TTC29: variants seen among roughly 807,000 people sequenced by gnomAD.
TTC29 encodes the protein tetratricopeptide repeat protein 29.
A neutral mutation model predicts 58.1 loss-of-function variants in TTC29; 49 were observed. That is an observed-to-expected ratio of 0.84 (90% confidence interval 0.67 to 1.07). The LOEUF is 1.07. Ranked by LOEUF, TTC29 falls within the 50% of genes least tolerant of loss-of-function variation. TTC29 has a pLI of 0.00. For synonymous variants in TTC29, 209 were observed against 196.8 expected (o/e 1.06, Z -0.52); for missense variants, 582 against 555.6 (o/e 1.05, Z -0.48).
At chr4:146,779,008 A>C (rs1256804841) in intron 11 of TTC29, among the ~76,000 whole-genome samples, 35 of 150,150 alleles carry the variant, frequency 2.3e-4, no homozygotes, top group African/African-American at 8.0e-4. Context: ...AAAAAAGAAA[A>C]GAAAAGAAAA....
chr4:146,717,808 AT>A (rs1417562397), intron 11 of TTC29, among the ~76,000 whole-genome samples: 1 of 152,066 alleles, frequency 6.6e-6, no homozygotes, highest in Non-Finnish European at 1.5e-5. Flanking sequence ...TACTGACTAT[AT>A]TTACCATGAT....
intron 11 of TTC29, among the ~76,000 whole-genome samples, chr4:146,777,895 C>T (rs1236166408): frequency 6.6e-6 from 1 of 152,150 alleles, no homozygotes; most frequent in African/African-American, 2.4e-5. Flanking sequence ...AATGGATTTA[C>T]CATTGAACTG....
intron 4 of TTC29, among the ~76,000 whole-genome samples, chr4:146,932,523 A>G (rs2150320365): frequency 6.6e-6 from 1 of 152,322 alleles, no homozygotes; most frequent in East Asian, 1.9e-4. Flanking sequence ...ATTGTATCTT[A>G]AATAAATGGC....
intron 11 of TTC29, among the ~76,000 whole-genome samples, chr4:146,738,171 G>A (rs922968572): frequency 4.6e-5 from 7 of 152,280 alleles, no homozygotes; most frequent in African/African-American, 1.7e-4. Context: ...AGAATCTAAT[G>A]TTCCTTTTAA....
intron 8 of TTC29, among the ~76,000 whole-genome samples, chr4:146,861,138 G>C (rs1381608923): frequency 6.6e-6 from 1 of 152,062 alleles, no homozygotes; most frequent in Admixed American, 6.6e-5. Context: ...GATATATTTA[G>C]GGAGAAAGGA....
At chr4:146,837,017 T>C (rs1446527614) in intron 8 of TTC29, among the ~76,000 whole-genome samples, 3 of 152,022 alleles carry the variant, frequency 2.0e-5, no homozygotes, top group African/African-American at 7.2e-5. Flanking sequence ...GGAATAAAAA[T>C]TATTCTACCA....
At chr4:146,792,588 T>C (rs56939845) in intron 11 of TTC29, among the ~76,000 whole-genome samples, 8,917 of 152,244 alleles carry the variant, frequency 0.059, 909 homozygotes, top group African/African-American at 0.2. Context: ...GTTGTTTTTA[T>C]GCCTGCTAAT....
At chr4:146,870,279 C>T (rs1730845754) in intron 7 of TTC29, among the ~76,000 whole-genome samples, 1 of 151,864 alleles carries the variant, frequency 6.6e-6, no homozygotes, top group Admixed American at 6.6e-5. Flanking sequence ...AAGAAGAACA[C>T]AAGGTAAACC....
intron 10 of TTC29, 77 bp downstream of exon 10, chr4:146,820,048 A>C: frequency 6.4e-7 from 1 of 1,564,216 alleles, no homozygotes; most frequent in Non-Finnish European, 8.7e-7. Context: ...GGATGACATG[A>C]GAAGATACTT....
In TTC29 at chr4:146,728,854, T is replaced by TACGTATAA. The variant is rs1744092666; in HGVS notation, c.1331-21304_1331-21303insTTATACGT. Among the ~76,000 whole-genome samples the TACGTATAA allele has an allele frequency of 1.8e-4, 12 of 66,430 alleles. 2 individuals are homozygous for TACGTATAA. The South Asian group carries it at 0.011, about 59-fold the overall frequency. The allele number at this position is 66,430 out of a possible 152,430, so 43.6% of individuals were successfully genotyped here. A position where few individuals can be genotyped will look rare whatever the true frequency, so the allele number is the denominator to read the frequency against. Reference sequence around the variant, plus strand: ...ATATATACACATATATATGTATATATATACACATATATATGTGTGTGTATA... The same window carrying TACGTATAA: ...ATATATACACATATATATGTATATATACGTATAAATACACATATATATGTGTGTGTATA... On this transcript the variant is annotated intron_variant, in intron 11 of 12. Coordinates refer to ENST00000325106, the MANE Select transcript of TTC29 (RefSeq NM_031956.4).
chr4:146,857,848 T>C (rs1485558491), intron 8 of TTC29, among the ~76,000 whole-genome samples: 1 of 152,232 alleles, frequency 6.6e-6, no homozygotes, highest in Admixed American at 6.5e-5. Context: ...AGAGAAGTTA[T>C]TAACAAATTA....
intron 8 of TTC29, among the ~76,000 whole-genome samples, chr4:146,864,538 T>TA: frequency 6.6e-6 from 1 of 152,316 alleles, no homozygotes; most frequent in Non-Finnish European, 1.5e-5. Context: ...TACCACAAAC[T>TA]AAATGACTTA....
At chr4:146,907,993 G>T (rs1054190567) in intron 5 of TTC29, among the ~76,000 whole-genome samples, 1 of 151,656 alleles carries the variant, frequency 6.6e-6, no homozygotes, top group Non-Finnish European at 1.5e-5. Context: ...CATTTGTTTT[G>T]TTGTTCACAT....
intron 7 of TTC29, among the ~76,000 whole-genome samples, chr4:146,869,557 C>T (rs988151442): frequency 3.3e-5 from 5 of 152,136 alleles, no homozygotes; most frequent in East Asian, 1.9e-4. Context: ...AATAGAAGAA[C>T]GAGGCTATGA....
chr4:146,824,798 A>C (rs1345888085), intron 9 of TTC29, among the ~76,000 whole-genome samples: 1 of 152,176 alleles, frequency 6.6e-6, no homozygotes, highest in Non-Finnish European at 1.5e-5. Flanking sequence ...TGGTCTATTC[A>C]GGGATCCAAC....
At chr4:146,795,681 A>C (rs1485731977) in intron 11 of TTC29, among the ~76,000 whole-genome samples, 1 of 152,158 alleles carries the variant, frequency 6.6e-6, no homozygotes, top group African/African-American at 2.4e-5. Context: ...GAAGCCAACA[A>C]CACATGTGCC....
At chr4:146,765,298 G>A (rs1747222274) in intron 11 of TTC29, among the ~76,000 whole-genome samples, 1 of 152,076 alleles carries the variant, frequency 6.6e-6, no homozygotes. Flanking sequence ...AATTTTCATG[G>A]AAAGTAATTC....
At position 146,775,544 on chromosome 4, in the gene TTC29, C is replaced by CT. The variant is rs35456033; in HGVS notation, c.1330+27912dup. Among the ~76,000 whole-genome samples, 372 of 135,598 alleles carry CT rather than the reference C, an allele frequency of 2.7e-3. 1 individual carries two copies. The highest frequency in any genetic ancestry group is 7.6e-3 in the Middle Eastern group (2 of 264). 89.0% of individuals were successfully genotyped at this position (135,598 alleles called of 152,430 possible). On this transcript the variant is annotated intron_variant, in intron 11 of 12. Coordinates refer to ENST00000325106, the MANE Select transcript of TTC29 (RefSeq NM_031956.4). The stretch of plus-strand genomic sequence containing the variant: ...GATATGAAATTCTTGGTTGAAATTT[C>CT]TTTTTTTTTTTTTTTAAGAATGCTG...
intron 11 of TTC29, among the ~76,000 whole-genome samples, chr4:146,737,717 G>T (rs1232212345): frequency 1.3e-5 from 2 of 152,078 alleles, no homozygotes; most frequent in African/African-American, 2.4e-5. Flanking sequence ...GATATTGCAT[G>T]GGTTTGGATG....
Sources: allele counts gnomAD v4.1 joint callset (sites outside exome capture counted in the v4.1 genomes callset), GRCh38; gene constraint gnomAD v4.1.1; transcripts MANE v1.5; gene names NCBI Gene and HGNC (gene_info 2026-07-23, HGNC 2026-07-21).